NTRK3: variants seen among roughly 807,000 people sequenced by gnomAD.
The protein encoded by NTRK3 is NT-3 growth factor receptor.
NTRK3 carries 24 observed loss-of-function variants against 91.7 expected under a neutral mutation model. The observed-to-expected ratio is 0.26, with a 90% confidence interval of 0.19 to 0.37. The LOEUF (loss-of-function observed/expected upper bound fraction) is 0.37, where lower values mean the gene tolerates loss of function less well. Ranked by LOEUF, NTRK3 falls within the 10% of genes least tolerant of loss-of-function variation. NTRK3 has a pLI of 1.00. For missense variants in NTRK3, 880 were observed against 1,068.9 expected, an observed-to-expected ratio of 0.82 and a Z score of 2.46; for synonymous variants, 483 against 404.0, an observed-to-expected ratio of 1.20 and a Z score of -2.34.
chr15:88,109,362 G>A (rs915065992), intron 13 of NTRK3, among the ~76,000 whole-genome samples: 2 of 152,306 alleles, frequency 1.3e-5, no homozygotes, highest in South Asian at 2.1e-4. Context: ...CACCAACCTC[G>A]AATCGTGGTC....
intron 14 of NTRK3, 42 bp from the exon 15 acceptor site, chr15:87,940,795 C>A (rs1221978154): frequency 6.2e-7 from 1 of 1,613,724 alleles, no homozygotes; most frequent in South Asian, 1.1e-5. Context: ...AATCAGTCCT[C>A]GTTTGGTGAC....
intron 15 of NTRK3, among the ~76,000 whole-genome samples, chr15:87,936,281 G>C (rs1002513847): frequency 6.6e-6 from 1 of 152,136 alleles, no homozygotes; most frequent in African/African-American, 2.4e-5. Context: ...AGTACAAAAA[G>C]GAGAGCTAGA....
intron 5 of NTRK3, among the ~76,000 whole-genome samples, chr15:88,148,220 A>C (rs1456635618): frequency 6.6e-6 from 1 of 152,234 alleles, no homozygotes; most frequent in Non-Finnish European, 1.5e-5. Flanking sequence ...TACTAAAGGC[A>C]AACACAGACT....
intron 10 of NTRK3, 23 bp from the exon 11 acceptor site, chr15:88,128,757 T>C: frequency 1.2e-6 from 2 of 1,611,694 alleles, no homozygotes; most frequent in Non-Finnish European, 1.7e-6. Context: ...GACAAAGAGA[T>C]AATTAACAAA....
At chr15:88,127,323 T>TC in intron 11 of NTRK3, 97 bp from the exon 12 acceptor site, 1 of 980,230 alleles carries the variant, frequency 1.0e-6, no homozygotes, top group Non-Finnish European at 1.6e-6. Flanking sequence ...CCTTGAGACT[T>TC]CCCCCTGCAG....
At chr15:87,875,335 G>A (rs2064920272) in exon 19 of NTRK3, 2 of 230,750 alleles carry the variant, frequency 8.7e-6, no homozygotes, top group East Asian at 6.1e-5. Context: ...CAGGCTGTTG[G>A]CTTCCATGTT....
At chr15:88,034,571 G>A (rs2078900942) in intron 13 of NTRK3, among the ~76,000 whole-genome samples, 1 of 152,224 alleles carries the variant, frequency 6.6e-6, no homozygotes, top group Admixed American at 6.5e-5. Flanking sequence ...CAGACAAAGT[G>A]CCTGCTGTGA....
intron 17 of NTRK3, among the ~76,000 whole-genome samples, chr15:87,896,425 C>T (rs1009154126): frequency 2.0e-5 from 3 of 149,662 alleles, no homozygotes; most frequent in East Asian, 2.0e-4. Context: ...GAGCCAAGAT[C>T]GCACCACTGC....
intron 17 of NTRK3, among the ~76,000 whole-genome samples, chr15:87,891,023 T>C (rs538413746): frequency 3.3e-5 from 5 of 152,364 alleles, no homozygotes; most frequent in African/African-American, 9.6e-5. Context: ...TTTAATTTTA[T>C]GTTTGTGTTC....
intron 17 of NTRK3, among the ~76,000 whole-genome samples, chr15:87,923,489 A>T (rs2068044591): frequency 6.6e-6 from 1 of 151,936 alleles, no homozygotes; most frequent in Admixed American, 6.6e-5. Context: ...GCAGAGGACT[A>T]CTCCTCCAGT....
chr15:88,065,785 TG>T (rs1207604424), intron 13 of NTRK3, among the ~76,000 whole-genome samples: 1 of 152,226 alleles, frequency 6.6e-6, no homozygotes, highest in African/African-American at 2.4e-5. Flanking sequence ...AGTTCTCTGT[TG>T]AACTGGCTGA....
chr15:87,898,083 G>T (rs990888099), intron 17 of NTRK3, among the ~76,000 whole-genome samples: 4 of 152,186 alleles, frequency 2.6e-5, no homozygotes, highest in Non-Finnish European at 2.9e-5. Context: ...ATAATACTTT[G>T]AATCTAAATC....
chr15:88,044,468 G>A (rs999257898), intron 13 of NTRK3, among the ~76,000 whole-genome samples: 3 of 151,448 alleles, frequency 2.0e-5, no homozygotes, highest in Non-Finnish European at 2.9e-5. Flanking sequence ...TCACTGTGTT[G>A]GCCAGGATGG....
intron 13 of NTRK3, among the ~76,000 whole-genome samples, chr15:88,037,930 C>T (rs924783330): frequency 6.6e-6 from 1 of 152,190 alleles, no homozygotes; most frequent in Non-Finnish European, 1.5e-5. Context: ...AGATGCCTAG[C>T]AAAGAAGTGG....
At chr15:87,951,191 G>A (rs1255943602) in intron 14 of NTRK3, among the ~76,000 whole-genome samples, 4 of 152,072 alleles carry the variant, frequency 2.6e-5, no homozygotes, top group Non-Finnish European at 4.4e-5. Context: ...CCCCAACACG[G>A]GAAATAATCC....
intron 5 of NTRK3, among the ~76,000 whole-genome samples, chr15:88,182,533 C>T (rs1470510553): frequency 6.6e-6 from 1 of 152,176 alleles, no homozygotes; most frequent in African/African-American, 2.4e-5. Context: ...CACTTTCTCC[C>T]CAAAGGCAAT....
chr15:88,128,871 A>G (rs1157448541), intron 10 of NTRK3, 137 bp from the exon 11 acceptor site: 1 of 783,670 alleles, frequency 1.3e-6, no homozygotes, highest in Non-Finnish European at 2.3e-6. Context: ...ACTAAAATGC[A>G]TGGCACATCA....
In NTRK3 at chr15:87,950,238, T is replaced by C. The variant is rs890926902; in HGVS notation, c.1586-9485A>G. Among the ~76,000 whole-genome samples, 4 of 152,180 alleles carry C rather than the reference T, an allele frequency of 2.6e-5. No homozygotes were observed. The South Asian group carries it at 8.3e-4, about 32-fold the overall frequency. ...ATGAGATGCAGCTCCATGATGAAAG[T>C]CTTGAGGTCAGGAAGAGAAACACCT... On this transcript the variant is annotated intron_variant, in intron 14 of 18. Coordinates refer to ENST00000394480, the Ensembl canonical transcript of NTRK3.
At chr15:88,032,922 C>G (rs140370971) in exon 14 of NTRK3, 64 of 1,613,490 alleles carry the variant, frequency 4.0e-5, no homozygotes, top group Non-Finnish European at 4.9e-5. Context: ...GACAGGGATG[C>G]GAGTCATGCC....
Sources: gnomAD v4.1 joint callset for allele counts (sites outside exome capture counted in the v4.1 genomes callset) on GRCh38, gnomAD v4.1.1 for gene constraint, MANE v1.5 for transcripts, NCBI Gene and HGNC (gene_info 2026-07-23, HGNC 2026-07-21) for gene names.